Variants in FLNB observed in about 807,000 individuals in gnomAD.
FLNB encodes the protein filamin-B.
Under a neutral mutation model 250.6 loss-of-function variants are expected in FLNB, and 111 were observed. The observed-to-expected ratio is 0.44, with a 90% CI of 0.38 to 0.52. FLNB has a LOEUF of 0.52. Ranked by LOEUF, FLNB falls within the 20% of genes least tolerant of loss-of-function variation. The pLI, the probability that FLNB is intolerant of heterozygous loss-of-function variation, is 0.00. For missense variants in FLNB, 2,869 were observed against 3,447.8 expected, an observed-to-expected ratio of 0.83 and a Z score of 4.20; for synonymous variants, 1,302 against 1,372.1, an observed-to-expected ratio of 0.95 and a Z score of 1.13.
rs151085835 is a variant in FLNB at position 58,134,591 on chromosome 3, GGTGTGTGT to G, written c.4515-16_4515-9del. 1.3e-3 allele frequency: 1,962 copies of G among 1,565,860 alleles called. 3 individuals are homozygous for G. The highest frequency in any genetic ancestry group is 1.6e-3 in the Non-Finnish European group (1,782 of 1,142,718). On this transcript the variant is annotated splice_polypyrimidine_tract_variant and intron_variant, in intron 26 of 45. Transcript: ENST00000295956. ...GTTGACATGTATCTTTATTGACTAG[GGTGTGTGT>G]GTGTGTGTCTATCAAGTCCCTTCAA...
chr3:58,089,377 T>C (rs930540927), intron 4 of FLNB, among the ~76,000 whole-genome samples: 1 of 151,776 alleles, frequency 6.6e-6, no homozygotes, highest in Non-Finnish European at 1.5e-5. Flanking sequence ...AAACCCAGTC[T>C]CTACTAAAAA....
chr3:58,079,228 A>C (rs1053065291), intron 3 of FLNB, among the ~76,000 whole-genome samples: 1 of 151,614 alleles, frequency 6.6e-6, no homozygotes, highest in Non-Finnish European at 1.5e-5. Flanking sequence ...TTAATCCAAT[A>C]GCTTAAGAAA....
At chr3:58,100,538 C>T (rs1226401097) in intron 8 of FLNB, among the ~76,000 whole-genome samples, 72 of 149,438 alleles carry the variant, frequency 4.8e-4, no homozygotes, top group African/African-American at 1.2e-3. Context: ...TGTAGATGTG[C>T]GCCACCATGC....
At chr3:58,116,153 C>T (rs1463704579) in intron 18 of FLNB, among the ~76,000 whole-genome samples, 2 of 152,136 alleles carry the variant, frequency 1.3e-5, no homozygotes, top group South Asian at 2.1e-4. Flanking sequence ...CCTCATTCTC[C>T]TTTGAACTCT....
At chr3:58,127,495 G>A (rs2097299986) in intron 24 of FLNB, among the ~76,000 whole-genome samples, 1 of 152,096 alleles carries the variant, frequency 6.6e-6, no homozygotes, top group African/African-American at 2.4e-5. Context: ...TAATCACTGT[G>A]AAACACGGTT....
At chr3:58,156,323 G>A (rs577353793) in intron 41 of FLNB, among the ~76,000 whole-genome samples, 3 of 152,306 alleles carry the variant, frequency 2.0e-5, no homozygotes, top group East Asian at 1.9e-4. Flanking sequence ...TTGGGGACAC[G>A]TTTGTTTTTA....
chr3:58,042,107 T>C (rs2097146875), intron 1 of FLNB, among the ~76,000 whole-genome samples: 1 of 152,116 alleles, frequency 6.6e-6, no homozygotes, highest in South Asian at 2.1e-4. Flanking sequence ...GTGTTTGGTG[T>C]GTATGGGTTT....
At chr3:58,031,854 C>T (rs1160830079) in intron 1 of FLNB, among the ~76,000 whole-genome samples, 2 of 151,566 alleles carry the variant, frequency 1.3e-5, no homozygotes, top group Non-Finnish European at 1.5e-5. Context: ...CCAAAAGTGT[C>T]ATTTTAATGC....
At chr3:58,029,660 T>A (rs1322047866) in intron 1 of FLNB, among the ~76,000 whole-genome samples, 8 of 151,996 alleles carry the variant, frequency 5.3e-5, no homozygotes, top group Non-Finnish European at 7.4e-5. Flanking sequence ...CCTGCCACCA[T>A]GCCTGGCTAA....
At chr3:58,132,023 T>A in intron 25 of FLNB, 1 of 1,527,382 alleles carries the variant, frequency 6.5e-7, no homozygotes, top group South Asian at 1.2e-5. Flanking sequence ...AAGACAGGTT[T>A]GCATTTTCCC....
intron 1 of FLNB, among the ~76,000 whole-genome samples, chr3:58,031,836 A>AC (rs1188527600): frequency 2.0e-5 from 3 of 151,200 alleles, no homozygotes; most frequent in African/African-American, 7.3e-5. Context: ...GAACCACTGC[A>AC]CCCCCATCCA....
At chr3:58,017,462 AG>A (rs1251297736) in intron 1 of FLNB, among the ~76,000 whole-genome samples, 2 of 152,152 alleles carry the variant, frequency 1.3e-5, no homozygotes, top group African/African-American at 4.8e-5. Context: ...CATGTTGGTC[AG>A]GCTGGTCTCG....
chr3:58,046,142 G>GA (rs1330873531), intron 1 of FLNB, among the ~76,000 whole-genome samples: 3 of 151,982 alleles, frequency 2.0e-5, no homozygotes, highest in African/African-American at 7.2e-5. Flanking sequence ...GACAGGCCCT[G>GA]ATCAAGGTAA....
intron 4 of FLNB, among the ~76,000 whole-genome samples, chr3:58,087,993 G>A (rs1175640489): frequency 6.7e-6 from 1 of 148,356 alleles, no homozygotes; most frequent in African/African-American, 2.5e-5. Context: ...GCCCACCTTG[G>A]CCTCGAAAGT....
chr3:58,091,077 CAAA>C (rs35189686), intron 4 of FLNB, among the ~76,000 whole-genome samples: 4 of 109,560 alleles, frequency 3.7e-5, no homozygotes, highest in Non-Finnish European at 2.1e-5. Flanking sequence ...GACTCCGTCT[CAAA>C]AAAAAAAAAA....
At position 58,069,731 on chromosome 3, in the gene FLNB, G is replaced by A. The variant is rs568709912; in HGVS notation, c.293-7315G>A. ...TCACGTGCCCCAGGTTCGCTGCAGC[G>A]TTAGGGGTCAGCCTCCCTTTGGAGC... On this transcript the variant is annotated intron_variant, in intron 1 of 45. Coordinates refer to ENST00000295956, the MANE Select transcript of FLNB (RefSeq NM_001457.4). Among the ~76,000 whole-genome samples the A allele has an allele frequency of 5.3e-5, 8 of 152,294 alleles. No individual in the cohort carries two copies. The South Asian group carries it at 1.2e-3, about 24-fold the overall frequency.
intron 1 of FLNB, among the ~76,000 whole-genome samples, chr3:58,041,299 T>C (rs1427315548): frequency 6.6e-6 from 1 of 152,208 alleles, no homozygotes; most frequent in East Asian, 1.9e-4. Flanking sequence ...ATTATTCCCA[T>C]TTATGAGAGA....
At chr3:58,096,413 G>A (rs1012051586) in intron 6 of FLNB, among the ~76,000 whole-genome samples, 195 bp downstream of exon 6, 10 of 152,174 alleles carry the variant, frequency 6.6e-5, no homozygotes, top group African/African-American at 9.7e-5. Context: ...TTGCAATGTC[G>A]TAAGATTTTT....
At chr3:58,046,290 G>C (rs2097154039) in intron 1 of FLNB, among the ~76,000 whole-genome samples, 1 of 151,926 alleles carries the variant, frequency 6.6e-6, no homozygotes, top group Non-Finnish European at 1.5e-5. Context: ...ATAAGAGCTT[G>C]CAGGCTAGAG....
Sources: gnomAD v4.1 joint callset for allele counts (sites outside exome capture counted in the v4.1 genomes callset) on GRCh38, gnomAD v4.1.1 for gene constraint, MANE v1.5 for transcripts, NCBI Gene and HGNC (gene_info 2026-07-23, HGNC 2026-07-21) for gene names.